Variants in NTN5 observed in about 807,000 individuals in gnomAD.
NTN5 encodes netrin-5.
A neutral mutation model predicts 38.7 loss-of-function variants in NTN5; 42 were observed. The observed-to-expected ratio is 1.08, with a 90% CI of 0.85 to 1.40. The LOEUF (loss-of-function observed/expected upper bound fraction) is 1.40. Ranked by LOEUF, NTN5 falls within the 40% of genes most tolerant of loss-of-function variation. NTN5 has a pLI of 0.00. For synonymous variants in NTN5, 329 were observed against 303.9 expected, an observed-to-expected ratio of 1.08 and a Z score of -0.86; for missense variants, 658 against 716.5, an observed-to-expected ratio of 0.92 and a Z score of 0.93.
At position 48,670,926 on chromosome 19, in the gene NTN5, C is replaced by A; in HGVS notation, c.61G>T (p.Asp21Tyr). Residue 21 changes from aspartate to tyrosine, a missense_variant, in exon 2 of 7, where the codon GAT (aspartate) becomes TAT (tyrosine). Physicochemically the swap from Asp to Tyr is radical, Grantham distance 160 (BLOSUM62 -3). Transcript: ENST00000270235. ...CAGAATTGGGGGCGGCCCTGTGGATCGTAGCATGGGTCCGCAGTGGCCTGG... is the reference window on the plus strand; with the variant it reads ...CAGAATTGGGGGCGGCCCTGTGGATAGTAGCATGGGTCCGCAGTGGCCTGG... ...LGQATADPCY[D>Y]PQGRPQFCLP... The A allele has an allele frequency of 6.3e-7, 1 of 1,593,984 alleles. No individual in the cohort carries two copies. The highest frequency in any genetic ancestry group is 8.6e-7 in the Non-Finnish European group (1 of 1,169,436).
intron 2 of NTN5, among the ~76,000 whole-genome samples, chr19:48,665,429 CCA>C (rs2031676145): frequency 6.8e-6 from 1 of 146,906 alleles, no homozygotes; most frequent in Non-Finnish European, 1.5e-5. Flanking sequence ...GAGCAAGACT[CCA>C]TCTCAAAAAA....
At position 48,663,637 on chromosome 19, in the gene NTN5, C is replaced by G. The variant is rs1262147757; in HGVS notation, c.1025-94G>C. 5 of 1,514,286 alleles carry G rather than the reference C, an allele frequency of 3.3e-6. No homozygotes were observed. The East Asian group carries it at 1.1e-4, about 34-fold the overall frequency. 93.8% of individuals were successfully genotyped at this position (1,514,286 alleles called of 1,614,324 possible). On this transcript the variant is annotated intron_variant, in intron 5 of 6. Transcript: ENST00000270235. ...CCCTCCGTTCCATCTTGATGGCCAG[C>G]TGGGGTACCCAAACCTTTGGGACTG...
intron 2 of NTN5, among the ~76,000 whole-genome samples, chr19:48,665,482 G>T (rs1264505569): frequency 6.6e-6 from 1 of 151,002 alleles, no homozygotes; most frequent in Admixed American, 6.6e-5. Context: ...GTAAGTCCGG[G>T]GGGACTCATG....
intron 2 of NTN5, among the ~76,000 whole-genome samples, chr19:48,665,724 C>G (rs2031686188): frequency 6.6e-6 from 1 of 151,584 alleles, no homozygotes; most frequent in African/African-American, 2.4e-5. Context: ...GAGGCTGAGG[C>G]AGGAGAATTG....
At chr19:48,662,446 A>C (rs1488196529) in intron 6 of NTN5, 1 of 167,324 alleles carries the variant, frequency 6.0e-6, no homozygotes, top group African/African-American at 2.4e-5. Flanking sequence ...GGCTGAGGTC[A>C]TACTGATAGT....
At chr19:48,666,064 C>G (rs1392886252) in intron 2 of NTN5, among the ~76,000 whole-genome samples, 1 of 152,232 alleles carries the variant, frequency 6.6e-6, no homozygotes, top group East Asian at 1.9e-4. Context: ...GCAGGACACC[C>G]TGCACTGTGT....
At chr19:48,662,420 G>A (rs2031574787) in intron 6 of NTN5, 1 of 180,400 alleles carries the variant, frequency 5.5e-6, no homozygotes, top group Non-Finnish European at 1.2e-5. Flanking sequence ...GAAGAGACTG[G>A]TCCCTGGAAT....
intron 2 of NTN5, among the ~76,000 whole-genome samples, chr19:48,666,169 G>T (rs1334910977): frequency 1.3e-5 from 2 of 152,174 alleles, no homozygotes; most frequent in Non-Finnish European, 1.5e-5. Flanking sequence ...GAGAGGTACA[G>T]CTAGCGGGTA....
intron 2 of NTN5, among the ~76,000 whole-genome samples, chr19:48,669,904 C>T (rs2031893506): frequency 7.8e-6 from 1 of 127,596 alleles, no homozygotes; most frequent in Non-Finnish European, 1.7e-5. Flanking sequence ...CCACCACCAT[C>T]ACCACCACCA....
At chr19:48,667,896 G>A (rs1402490450) in intron 2 of NTN5, among the ~76,000 whole-genome samples, 1 of 151,076 alleles carries the variant, frequency 6.6e-6, no homozygotes, top group Admixed American at 6.6e-5. Flanking sequence ...GAGGCAAAGC[G>A]CATGGGAGGT....
Position 48,670,653 on chromosome 19 carries a change from G to A in NTN5, c.334C>T (p.Pro112Ser), listed in dbSNP as rs2031936690. The A allele has an allele frequency of 1.9e-6, 3 of 1,605,406 alleles. No homozygotes were observed. In the East Asian group the frequency reaches 6.7e-5, roughly 36 times the overall value. Reference protein sequence around the residue: ...WRLLWHRPAWPGALGGPERVT... With the variant: ...WRLLWHRPAWSGALGGPERVT... ...CTTTCAGGGCCCCCTAAGGCCCCAG[G>A]CCAGGCGGGCCTGTGCCACAGCAGC... The change falls in exon 2 of 7, where the codon CCT becomes TCT. Residue 112 changes from proline to serine, a missense_variant. Transcript: ENST00000270235.
At chr19:48,669,792 T>TCAC (rs2031877439) in intron 2 of NTN5, among the ~76,000 whole-genome samples, 1 of 42,010 alleles carries the variant, frequency 2.4e-5, no homozygotes, top group Admixed American at 2.7e-4. Context: ...ACCACCACCA[T>TCAC]CACCATCACC....
chr19:48,663,177 C>G, intron 6 of NTN5: 1 of 554,236 alleles, frequency 1.8e-6, no homozygotes, highest in Non-Finnish European at 3.4e-6. Flanking sequence ...ACCAGTTCCC[C>G]TATCTCTTCC....
intron 2 of NTN5, among the ~76,000 whole-genome samples, chr19:48,665,900 C>T (rs1457563799): frequency 6.6e-6 from 1 of 151,888 alleles, no homozygotes; most frequent in Non-Finnish European, 1.5e-5. Context: ...TGACCGTATT[C>T]CCTGGACAGG....
Position 48,661,699 on chromosome 19 carries a change from G to GGTGT in NTN5, c.1444_1447dup (p.Pro483HisfsTer29). On this transcript the variant is annotated frameshift_variant, in exon 7 of 7. Coordinates refer to ENST00000270235, the MANE Select transcript of NTN5 (RefSeq NM_145807.4). LOFTEE classifies it low-confidence loss of function (END_TRUNC). ...CGTCTAGTGCTCCGGCCTGGGACTG[G>GGTGT]GTGTGGGTGCCCGCACGCCGCGGCA... 2 of 1,556,802 alleles carry GGTGT rather than the reference G, an allele frequency of 1.3e-6. No homozygotes were observed. The highest frequency in any genetic ancestry group is 2.8e-5 in the African/African-American group (2 of 71,158).
intron 2 of NTN5, 96 bp downstream of exon 2, chr19:48,670,260 G>C (rs1357708359): frequency 1.6e-6 from 2 of 1,279,076 alleles, no homozygotes; most frequent in Middle Eastern, 2.9e-4. Flanking sequence ...GGAGCACCCA[G>C]TTCCAGCGAG....
intron 2 of NTN5, among the ~76,000 whole-genome samples, chr19:48,668,931 A>G (rs979353026): frequency 8.0e-5 from 12 of 150,704 alleles, no homozygotes; most frequent in African/African-American, 2.7e-4. Context: ...CTGTTATTAC[A>G]TCATCATCAC....
At chr19:48,669,934 TACCATCACCATCACCACC>T (rs2031897619) in intron 2 of NTN5, among the ~76,000 whole-genome samples, 2 of 9,294 alleles carry the variant, frequency 2.2e-4, no homozygotes, top group African/African-American at 8.9e-4. Flanking sequence ...TCATCACCAC[TACCATCACCATCACCACC>T]ACCATCACCA....
At position 48,664,780 on chromosome 19, in the gene NTN5, T is replaced by G. The variant is rs748580932; in HGVS notation, c.632-13A>C. The G allele has an allele frequency of 5.2e-6, 8 of 1,530,450 alleles. No individual in the cohort carries two copies. The South Asian group carries it at 9.8e-5, about 19-fold the overall frequency. 94.8% of individuals were successfully genotyped at this position (1,530,450 alleles called of 1,614,324 possible). A position where few individuals can be genotyped will look rare whatever the true frequency, so the allele number is the denominator to read the frequency against. ...TTGCAGGAGCAGGCTAGGAGCAAAA[T>G]GGGGTGGGGGCGCATCAGGGCCGAG... On this transcript the variant is annotated splice_polypyrimidine_tract_variant and intron_variant, in intron 2 of 6. Coordinates refer to ENST00000270235, the MANE Select transcript of NTN5 (RefSeq NM_145807.4).
Sources: allele counts gnomAD v4.1 joint callset (sites outside exome capture counted in the v4.1 genomes callset), GRCh38; gene constraint gnomAD v4.1.1; transcripts MANE v1.5; gene names NCBI Gene and HGNC (gene_info 2026-07-23, HGNC 2026-07-21).